The following PKD1L1 variants were observed in gnomAD, a reference collection of about 807,000 sequenced individuals.
The protein encoded by PKD1L1 is polycystin 1 like 1, transient receptor potential channel interacting.
Under a neutral mutation model 323.4 loss-of-function variants are expected in PKD1L1, and 236 were observed. The observed-to-expected ratio is 0.73, with a 90% CI of 0.66 to 0.81. The LOEUF (loss-of-function observed/expected upper bound fraction) is 0.81, where lower values mean the gene tolerates loss of function less well. PKD1L1 is among the 40% of genes least tolerant of loss of function. The pLI, the probability that PKD1L1 is intolerant of heterozygous loss-of-function variation, is 0.00. For synonymous variants in PKD1L1, 1,344 were observed against 1,335.0 expected (o/e 1.01, Z -0.15); for missense variants, 3,320 against 3,508.0 (o/e 0.95, Z 1.35).
chr7:47,915,313 C>T, intron 8 of PKD1L1, 119 bp downstream of exon 8: 2 of 644,472 alleles, frequency 3.1e-6, no homozygotes, highest in South Asian at 3.6e-5. Flanking sequence ...ACACCGTAGC[C>T]CATAGAGTGT....
At position 47,811,728 on chromosome 7, in the gene PKD1L1, A is replaced by G. The variant is rs559722885; in HGVS notation, c.7581+89T>C. 25 of 1,031,086 alleles carry G rather than the reference A, an allele frequency of 2.4e-5. No individual in the cohort carries two copies. In the East Asian group the frequency reaches 6.2e-4, roughly 26 times the overall value. 63.9% of individuals were successfully genotyped at this position (1,031,086 alleles called of 1,614,324 possible). ...GGAGGGGCAGGTGAATGGGTAGGGA[A>G]CTAGTCCTGTCTGGTGGAGAAGCCC... On this transcript the variant is annotated intron_variant, in intron 50 of 56. Coordinates refer to ENST00000289672, the MANE Select transcript of PKD1L1 (RefSeq NM_138295.5).
At chr7:47,835,432 T>C (rs761937280) in intron 37 of PKD1L1, among the ~76,000 whole-genome samples, 189 bp from the exon 38 acceptor site, 20 of 152,274 alleles carry the variant, frequency 1.3e-4, no homozygotes, top group Non-Finnish European at 2.2e-4. Flanking sequence ...ATGGAGTCTT[T>C]CTCTGTCGCC....
intron 31 of PKD1L1, among the ~76,000 whole-genome samples, chr7:47,852,824 CAA>C (rs1260523801): frequency 6.6e-6 from 1 of 152,008 alleles, no homozygotes; most frequent in East Asian, 1.9e-4. Flanking sequence ...GTGCTTCAGG[CAA>C]AGACTTAGCC....
At chr7:47,849,541 G>C (rs1054184852) in intron 31 of PKD1L1, among the ~76,000 whole-genome samples, 4 of 152,060 alleles carry the variant, frequency 2.6e-5, no homozygotes, top group African/African-American at 9.7e-5. Flanking sequence ...GCAAGGACCT[G>C]AACAGACAAT....
rs552911318 is a variant in PKD1L1 at position 47,858,869 on chromosome 7, G to A, written c.4166C>T (p.Ala1389Val). 15 of 1,613,330 alleles carry A rather than the reference G, an allele frequency of 9.3e-6. No individual in the cohort carries two copies. Among genetic ancestry groups the A allele is most frequent in the Non-Finnish European group, 1.1e-5 (13 of 1,179,734 alleles). ...CCGGGTGTACTTGAGGATGAGAACC[G>A]CACTCATAAAGCCTAGCTGCATGAA... ...SFSNKLGFMS[A>V]VLILKYTRAL... is the part of the protein sequence containing the mutation. Residue 1389 changes from alanine to valine, a missense_variant, in exon 27 of 57, where the codon GCG becomes GTG. Ala to Val is a moderately conservative substitution (Grantham distance 64, BLOSUM62 0). Transcript: ENST00000289672.
rs1786710991 is a variant in PKD1L1, at chr7:47,782,082, CATAGTATAGTATA to C, written c.8527-6929_8527-6917del. ...CACATGGTGTTGATTGCTGTGGCTG[CATAGTATAGTATA>C]ACCACCTTCTGTGCAAGGCATCCAG... On this transcript the variant is annotated intron_variant, in intron 56 of 56. Coordinates refer to ENST00000289672, the MANE Select transcript of PKD1L1 (RefSeq NM_138295.5). Among the ~76,000 whole-genome samples, 3 of 152,118 alleles carry C rather than the reference CATAGTATAGTATA, an allele frequency of 2.0e-5. No homozygotes were observed. The South Asian group carries it at 6.2e-4, about 32-fold the overall frequency.
chr7:47,942,484 T>TA (rs869182826), intron 2 of PKD1L1, among the ~76,000 whole-genome samples: 1 of 151,096 alleles, frequency 6.6e-6, no homozygotes, highest in Non-Finnish European at 1.5e-5. Flanking sequence ...CTTTAGAAAT[T>TA]AAAAAAATTT....
chr7:47,957,876 T>TATATATATATATATATATATATAG, the PKD1L1 span, among the ~76,000 whole-genome samples: 1 of 148,222 alleles, frequency 6.7e-6, no homozygotes, highest in Non-Finnish European at 1.5e-5. Context: ...TATATATATA[T>TATATATATATATATATATATATAG]ATCTAGAAAT....
intron 37 of PKD1L1, among the ~76,000 whole-genome samples, chr7:47,835,508 C>T (rs759801420): frequency 6.6e-6 from 1 of 152,112 alleles, no homozygotes; most frequent in Admixed American, 6.5e-5. Context: ...TCAAGCGATT[C>T]TCCTGCCTCA....
intron 16 of PKD1L1, among the ~76,000 whole-genome samples, chr7:47,888,719 C>T (rs1401681470): frequency 6.6e-6 from 1 of 152,218 alleles, no homozygotes; most frequent in Non-Finnish European, 1.5e-5. Flanking sequence ...GTTCACACAT[C>T]CCATGCCCAC....
chr7:47,860,217 G>A (rs910190527), intron 26 of PKD1L1, among the ~76,000 whole-genome samples: 1 of 152,074 alleles, frequency 6.6e-6, no homozygotes, highest in Non-Finnish European at 1.5e-5. Context: ...TCTTTACTAC[G>A]TATCTTTTAA....
chr7:47,781,309 A>T (rs1786686402), intron 56 of PKD1L1, among the ~76,000 whole-genome samples: 1 of 151,756 alleles, frequency 6.6e-6, no homozygotes, highest in African/African-American at 2.4e-5. Flanking sequence ...TTTGTTGAAC[A>T]TGCGGTCTGC....
chr7:47,900,582 G>T (rs566009735), intron 13 of PKD1L1, among the ~76,000 whole-genome samples: 8 of 152,208 alleles, frequency 5.3e-5, no homozygotes, highest in Non-Finnish European at 5.9e-5. Flanking sequence ...TACAAAATTA[G>T]CTGGGTGTGG....
upstream of PKD1L1, among the ~76,000 whole-genome samples, chr7:47,952,698 T>C (rs1442858508): frequency 2.0e-5 from 3 of 152,052 alleles, no homozygotes; most frequent in South Asian, 2.1e-4. Flanking sequence ...AAAAACAACA[T>C]AGTTATTGAA....
chr7:47,954,411 C>T, the PKD1L1 span, among the ~76,000 whole-genome samples: 1 of 152,144 alleles, frequency 6.6e-6, no homozygotes, highest in Non-Finnish European at 1.5e-5. Context: ...AAGGACTCTG[C>T]TCTCATGATG....
At chr7:47,856,334 C>T (rs982864440) in intron 28 of PKD1L1, among the ~76,000 whole-genome samples, 6 of 152,200 alleles carry the variant, frequency 3.9e-5, no homozygotes, top group Admixed American at 6.5e-5. Flanking sequence ...CCACTGTGCC[C>T]GGCCTCAGTT....
chr7:47,880,504 G>A (rs951883475), intron 21 of PKD1L1, among the ~76,000 whole-genome samples: 2 of 149,408 alleles, frequency 1.3e-5, no homozygotes, highest in Admixed American at 1.3e-4. Context: ...GGATGGTCTC[G>A]ATCTCCTGAC....
intron 56 of PKD1L1, among the ~76,000 whole-genome samples, chr7:47,778,672 T>C (rs936080795): frequency 5.9e-5 from 9 of 152,254 alleles, no homozygotes; most frequent in Admixed American, 5.2e-4. Flanking sequence ...TATGTATTAC[T>C]GATATATAGG....
rs1330791353 is a variant in PKD1L1 at position 47,946,482 on chromosome 7, C to T, written c.44+1915G>A. 1.5e-5 allele frequency among the ~76,000 whole-genome samples: 2 copies of T among 132,444 alleles called. No individual in the cohort carries two copies. Among genetic ancestry groups the T allele is most frequent in the African/African-American group, 5.3e-5 (2 of 37,570 alleles). The allele number at this position is 132,444 out of a possible 152,430, so 86.9% of individuals were successfully genotyped here. ...CACCACACACACATCGCACACACCA[C>T]ACACCACGCACCACACAAACACACC... On this transcript the variant is annotated intron_variant, in intron 1 of 56. Coordinates refer to ENST00000289672, the MANE Select transcript of PKD1L1 (RefSeq NM_138295.5). The surrounding 1 kb of genome is among the most constrained non-coding windows in gnomAD (Gnocchi z 4.1).
Sources: gnomAD v4.1 joint callset for allele counts (sites outside exome capture counted in the v4.1 genomes callset) on GRCh38, gnomAD v4.1.1 for gene constraint, Gnocchi (gnomAD v3.1) non-coding constraint, MANE v1.5 for transcripts, NCBI Gene and HGNC (gene_info 2026-07-23, HGNC 2026-07-21) for gene names.